The following MCF2L variants were observed in gnomAD, a reference collection of about 807,000 sequenced individuals.
The protein encoded by MCF2L is guanine nucleotide exchange factor DBS.
MCF2L carries 97 observed loss-of-function variants against 153.4 expected under a neutral mutation model. That is an observed-to-expected ratio of 0.63 (90% CI 0.54 to 0.75). MCF2L has a LOEUF of 0.75. Among genes scored for constraint, MCF2L ranks in the 30% least tolerant of loss-of-function variants. The pLI, the probability that MCF2L is intolerant of heterozygous loss-of-function variation, is 0.00. For missense variants in MCF2L, 1,347 were observed against 1,495.2 expected, an observed-to-expected ratio of 0.90 and a Z score of 1.64; for synonymous variants, 659 against 632.2, an observed-to-expected ratio of 1.04 and a Z score of -0.64.
upstream of MCF2L, chr13:112,968,891 G>A: frequency 2.9e-6 from 2 of 680,890 alleles, no homozygotes; most frequent in East Asian, 3.4e-5. Context: ...GCGGTGACAC[G>A]AATTTCTAGG....
In MCF2L at chr13:113,045,370, C is replaced by G. The variant is rs757735010; in HGVS notation, c.369+9C>G. On this transcript the variant is annotated intron_variant, in intron 4 of 29. Transcript: ENST00000535094. The surrounding 1 kb of genome is among the most constrained non-coding windows in gnomAD (Gnocchi z 4.2). ...CCGTCCTGCGCATCGCAGTAAGTGC[C>G]ACCCGGGGCTCTGCCCTGCGCCCGG... 1 of 1,612,296 alleles carries G rather than the reference C, an allele frequency of 6.2e-7. No individual in the cohort carries two copies. The highest frequency in any genetic ancestry group is 8.5e-7 in the Non-Finnish European group (1 of 1,178,610).
At chr13:113,078,851 G>A (rs970554222) in intron 15 of MCF2L, 112 bp downstream of exon 15, 4 of 992,460 alleles carry the variant, frequency 4.0e-6, no homozygotes, top group Non-Finnish European at 5.9e-6. Flanking sequence ...TGGTGCAGAA[G>A]TCATTGTGGT....
At chr13:113,007,917 T>C (rs10716387) in intron 1 of MCF2L, among the ~76,000 whole-genome samples, 20 of 1,812 alleles carry the variant, frequency 0.011, no homozygotes, top group Non-Finnish European at 0.023. Flanking sequence ...TTTCTTTTTC[T>C]TTTTTTTTTT....
rs2081687928 is a variant in MCF2L, at chr13:112,951,092, G to A, written c.169+48721G>A. Among the ~76,000 whole-genome samples, 1 of 152,210 alleles carries A rather than the reference G, an allele frequency of 6.6e-6. No homozygotes were observed. The highest frequency in any genetic ancestry group is 1.9e-4 in the East Asian group (1 of 5,200). On this transcript the variant is annotated intron_variant, in intron 2 of 29. Transcript: ENST00000375608. This position sits in a 1 kb window ranked among gnomAD's most constrained non-coding sequence, Gnocchi z 4.8. ...TTCCACCAAAGATGCCACAGTGAGG[G>A]CAGAAGAGCACACGGAAAGGTGTCA...
Position 113,064,182 on chromosome 13 carries a change from C to A in MCF2L, c.490-122C>A. 2 of 764,636 alleles carry A rather than the reference C, an allele frequency of 2.6e-6. No individual in the cohort carries two copies. The highest frequency in any genetic ancestry group is 1.8e-5 in the Admixed American group (1 of 56,490). The allele number at this position is 764,636 out of a possible 1,614,324, so 47.4% of individuals were successfully genotyped here. A position where few individuals can be genotyped will look rare whatever the true frequency, so the allele number is the denominator to read the frequency against. On this transcript the variant is annotated intron_variant, in intron 5 of 29. Transcript: ENST00000535094. The surrounding 1 kb of genome is among the most constrained non-coding windows in gnomAD (Gnocchi z 6.0). ...GTCCAGGTGCCCCCACCCACACAGCCGCCCGCAGCATCCAGGCAGACGTGG... is the reference window on the plus strand; with the variant it reads ...GTCCAGGTGCCCCCACCCACACAGCAGCCCGCAGCATCCAGGCAGACGTGG...
intron 3 of MCF2L, among the ~76,000 whole-genome samples, chr13:113,029,101 A>G (rs890883801): frequency 6.6e-6 from 1 of 152,308 alleles, no homozygotes; most frequent in South Asian, 2.1e-4. Flanking sequence ...ATCTGGAAAT[A>G]AAACTCTTTG....
chr13:113,070,497 A>G lies in MCF2L; in HGVS notation c.996+324A>G, dbSNP rs1266989717. ...TTGCATGCCCTTTTATTCAACATGC[A>G]TGTAGGATGTGCCTGCTGTGTGCCA... On this transcript the variant is annotated intron_variant, in intron 9 of 29. Coordinates refer to ENST00000535094, the MANE Select transcript of MCF2L (RefSeq NM_001112732.3). This position sits in a 1 kb window ranked among gnomAD's most constrained non-coding sequence, Gnocchi z 5.6. The G allele has an allele frequency of 5.1e-6, 1 of 195,922 alleles. No homozygotes were observed. Among genetic ancestry groups the G allele is most frequent in the African/African-American group, 2.4e-5 (1 of 41,806 alleles). The allele number at this position is 195,922 out of a possible 1,614,324, so 12.1% of individuals were successfully genotyped here. A position where few individuals can be genotyped will look rare whatever the true frequency, so the allele number is the denominator to read the frequency against.
chr13:113,012,259 C>T (rs1235487968), intron 1 of MCF2L, among the ~76,000 whole-genome samples: 3 of 100,780 alleles, frequency 3.0e-5, no homozygotes, highest in Admixed American at 1.0e-4. Context: ...GTGGACACTG[C>T]GATGAGGACA....
chr13:113,096,146 A>C, intron 27 of MCF2L: 1 of 590,938 alleles, frequency 1.7e-6, no homozygotes, highest in East Asian at 2.9e-5. Context: ...GGGCTGGGGC[A>C]GCTGGGCCCA....
At chr13:113,037,100 G>A (rs964536677) in intron 3 of MCF2L, among the ~76,000 whole-genome samples, 9 of 152,200 alleles carry the variant, frequency 5.9e-5, no homozygotes, top group Admixed American at 2.0e-4. Context: ...AGGTGCAAGC[G>A]TGTCATCCTA....
chr13:112,977,782 G>C (rs1056730379), intron 1 of MCF2L, among the ~76,000 whole-genome samples: 1 of 152,318 alleles, frequency 6.6e-6, no homozygotes, highest in African/African-American at 2.4e-5. Flanking sequence ...GCCTGTCTGC[G>C]TCTGTCCTTG....
intron 2 of MCF2L, among the ~76,000 whole-genome samples, chr13:112,918,677 T>G (rs892646106): frequency 6.6e-6 from 1 of 152,228 alleles, no homozygotes; most frequent in African/African-American, 2.4e-5. Flanking sequence ...GGCTGGCATT[T>G]CCTGCTTTTG....
intron 20 of MCF2L, among the ~76,000 whole-genome samples, chr13:113,085,455 G>A (rs948741591): frequency 6.6e-6 from 1 of 152,218 alleles, no homozygotes; most frequent in Non-Finnish European, 1.5e-5. Context: ...CGTCCCTCCA[G>A]GGTGGAGCCG....
intron 3 of MCF2L, among the ~76,000 whole-genome samples, chr13:113,029,147 G>A (rs1237499390): frequency 6.6e-6 from 1 of 152,106 alleles, no homozygotes; most frequent in African/African-American, 2.4e-5. Flanking sequence ...TTGGGAGGAC[G>A]CCCATGTGCC....
At chr13:113,062,101 T>C (rs914626688) in intron 5 of MCF2L, among the ~76,000 whole-genome samples, 1 of 150,988 alleles carries the variant, frequency 6.6e-6, no homozygotes, top group Non-Finnish European at 1.5e-5. Flanking sequence ...TTCCAAGCCA[T>C]TGGGAAACTC....
chr13:113,010,903 C>CT (rs2084051379), intron 1 of MCF2L, among the ~76,000 whole-genome samples: 1 of 152,206 alleles, frequency 6.6e-6, no homozygotes. Context: ...GGACCTGTCT[C>CT]CTGAACTGAG....
At chr13:112,967,622 G>T (rs984714224), upstream of MCF2L, 1 of 152,304 alleles carries the variant, frequency 6.6e-6, no homozygotes, top group Admixed American at 6.5e-5. Context: ...GGAGTACTGC[G>T]TCACCTTCAT....
At chr13:113,008,266 T>C (rs926933689) in intron 1 of MCF2L, among the ~76,000 whole-genome samples, 2 of 152,242 alleles carry the variant, frequency 1.3e-5, no homozygotes, top group Non-Finnish European at 2.9e-5. Flanking sequence ...TAGGCTTGAC[T>C]GTTTTAAAGC....
chr13:113,033,505 G>C (rs922743387), intron 3 of MCF2L, among the ~76,000 whole-genome samples: 3 of 152,134 alleles, frequency 2.0e-5, no homozygotes. Context: ...GCCTGTTCGC[G>C]GGCATTTCGT....
Sources: allele counts gnomAD v4.1 joint callset (sites outside exome capture counted in the v4.1 genomes callset), GRCh38; gene constraint gnomAD v4.1.1; non-coding constraint Gnocchi (gnomAD v3.1); transcripts MANE v1.5; gene names NCBI Gene and HGNC (gene_info 2026-07-23, HGNC 2026-07-21).